Variants in GRM5 observed in about 807,000 individuals in gnomAD.
GRM5 encodes metabotropic glutamate receptor 5.
Under a neutral mutation model 83.1 loss-of-function variants are expected in GRM5, and 19 were observed. The ratio of observed to expected loss-of-function variants is 0.23; its 90% CI spans 0.16 to 0.34. The LOEUF (loss-of-function observed/expected upper bound fraction) is 0.34. Among genes scored for constraint, GRM5 ranks in the 10% least tolerant of loss-of-function variants. The pLI, the probability that GRM5 is intolerant of heterozygous loss-of-function variation, is 1.00. For missense variants in GRM5, 1,160 were observed against 1,588.3 expected, an observed-to-expected ratio of 0.73 and a Z score of 4.58; for synonymous variants, 675 against 633.6, an observed-to-expected ratio of 1.07 and a Z score of -0.98.
intron 3 of GRM5, among the ~76,000 whole-genome samples, chr11:88,745,430 T>C (rs984868053): frequency 1.3e-5 from 2 of 151,968 alleles, no homozygotes; most frequent in African/African-American, 4.8e-5. Flanking sequence ...GGTCTTAAAC[T>C]CCTGAGATCA....
intron 3 of GRM5, among the ~76,000 whole-genome samples, chr11:88,706,922 ATATTT>A (rs1318245781): frequency 1.3e-5 from 2 of 152,084 alleles, no homozygotes; most frequent in African/African-American, 4.8e-5. Flanking sequence ...TGACGATCTT[ATATTT>A]AAGTTTATTG....
At chr11:88,944,113 A>T (rs960388107) in intron 2 of GRM5, among the ~76,000 whole-genome samples, 13 of 152,124 alleles carry the variant, frequency 8.5e-5, no homozygotes, top group African/African-American at 3.1e-4. Flanking sequence ...TGTTGCTATG[A>T]CCTCATGAAA....
At chr11:88,742,236 G>T (rs1942044807) in intron 3 of GRM5, among the ~76,000 whole-genome samples, 1 of 151,706 alleles carries the variant, frequency 6.6e-6, no homozygotes, top group African/African-American at 2.4e-5. Context: ...ATTTACATTT[G>T]CATAATACTT....
At chr11:88,826,763 G>GA (rs530724939) in intron 3 of GRM5, among the ~76,000 whole-genome samples, 43 of 151,898 alleles carry the variant, frequency 2.8e-4, no homozygotes, top group African/African-American at 5.6e-4. Flanking sequence ...ATTCTAACCT[G>GA]AAAAAAAATC....
intron 3 of GRM5, among the ~76,000 whole-genome samples, chr11:88,696,640 G>T (rs1432151295): frequency 6.6e-6 from 1 of 152,172 alleles, no homozygotes; most frequent in Non-Finnish European, 1.5e-5. Flanking sequence ...TGATAATGAA[G>T]CCCTGCTGGG....
intron 3 of GRM5, among the ~76,000 whole-genome samples, chr11:88,708,693 T>G (rs1443885060): frequency 1.3e-5 from 2 of 152,120 alleles, no homozygotes; most frequent in East Asian, 3.9e-4. Context: ...TTTTCTAAAT[T>G]TATTTAAAAT....
intron 8 of GRM5, among the ~76,000 whole-genome samples, chr11:88,526,151 G>A (rs1941870468): frequency 6.6e-6 from 1 of 152,120 alleles, no homozygotes; most frequent in Non-Finnish European, 1.5e-5. Context: ...TCAGTATTGG[G>A]ATGCCGCCAT....
At chr11:89,017,934 C>G (rs1449137628) in intron 2 of GRM5, among the ~76,000 whole-genome samples, 6 of 152,106 alleles carry the variant, frequency 3.9e-5, no homozygotes, top group Non-Finnish European at 8.8e-5. Context: ...CTTACCACCT[C>G]TTTCTCCAGT....
chr11:88,869,004 G>T (rs2135559231), intron 2 of GRM5, among the ~76,000 whole-genome samples: 1 of 151,784 alleles, frequency 6.6e-6, no homozygotes. Flanking sequence ...AATGTCTGCT[G>T]TTTTCCTTCC....
At chr11:88,623,814 G>T (rs929526207) in intron 4 of GRM5, among the ~76,000 whole-genome samples, 1 of 152,078 alleles carries the variant, frequency 6.6e-6, no homozygotes, top group Non-Finnish European at 1.5e-5. Flanking sequence ...TTTGGACCTG[G>T]GCCAACTTTC....
At position 88,720,796 on chromosome 11, in the gene GRM5, C is replaced by CTGTG. The variant is rs748475378; in HGVS notation, c.912-67397_912-67394dup. 4.4e-3 allele frequency among the ~76,000 whole-genome samples: 629 copies of CTGTG among 141,712 alleles called. 6 individuals carry two copies. Among genetic ancestry groups the CTGTG allele is most frequent in the African/African-American group, 0.012 (442 of 37,950 alleles). The allele number at this position is 141,712 out of a possible 152,430, so 93.0% of individuals were successfully genotyped here. On this transcript the variant is annotated intron_variant, in intron 3 of 9. Coordinates refer to ENST00000305447, the MANE Select transcript of GRM5 (RefSeq NM_001143831.3). ...ACAGGTTTGCAGGAAAATCATTACTCTGTGTGTGTGTGTGTGTGTGTGTGC... is the reference window on the plus strand; with the variant it reads ...ACAGGTTTGCAGGAAAATCATTACTCTGTGTGTGTGTGTGTGTGTGTGTGTGTGC...
chr11:88,761,165 A>T (rs1005631840), intron 3 of GRM5, among the ~76,000 whole-genome samples: 1 of 151,988 alleles, frequency 6.6e-6, no homozygotes, highest in African/African-American at 2.4e-5. Context: ...CTCTCTCACC[A>T]CTCCTATTCA....
intron 3 of GRM5, among the ~76,000 whole-genome samples, chr11:88,721,412 A>C (rs1941536520): frequency 1.3e-5 from 2 of 152,114 alleles, no homozygotes; most frequent in Non-Finnish European, 2.9e-5. Context: ...TAACTGAAGA[A>C]TATAGCACTG....
intron 1 of GRM5, among the ~76,000 whole-genome samples, chr11:89,059,538 C>T (rs115387972): frequency 0.03 from 4,570 of 151,340 alleles, 222 homozygotes; most frequent in African/African-American, 0.1. Context: ...ATTTAAATAC[C>T]GGCTTTGTCA....
At chr11:88,968,137 TA>T (rs1293917263) in intron 2 of GRM5, among the ~76,000 whole-genome samples, 1 of 152,154 alleles carries the variant, frequency 6.6e-6, no homozygotes, top group Non-Finnish European at 1.5e-5. Flanking sequence ...ATACATGTCA[TA>T]TTAAAATCAT....
At chr11:88,852,608 T>TA (rs1944405999) in intron 2 of GRM5, among the ~76,000 whole-genome samples, 1 of 151,990 alleles carries the variant, frequency 6.6e-6, no homozygotes, top group Admixed American at 6.6e-5. Context: ...TCTTTAAAAT[T>TA]AAAAAAGGCA....
At chr11:88,980,678 T>C (rs7938184) in intron 2 of GRM5, among the ~76,000 whole-genome samples, 12,240 of 151,576 alleles carry the variant, frequency 0.081, 1,520 homozygotes, top group African/African-American at 0.27. Flanking sequence ...AAAAAGTTAG[T>C]CGGGCGTGGT....
chr11:88,658,554 G>A (rs1381213229), intron 3 of GRM5, among the ~76,000 whole-genome samples: 1 of 152,136 alleles, frequency 6.6e-6, no homozygotes, highest in Non-Finnish European at 1.5e-5. Flanking sequence ...GTCTAGTGGA[G>A]GGATGAGAAA....
chr11:88,814,336 A>G (rs1168369101), intron 3 of GRM5, among the ~76,000 whole-genome samples: 1 of 152,212 alleles, frequency 6.6e-6, no homozygotes, highest in Non-Finnish European at 1.5e-5. Flanking sequence ...GACTCTGACA[A>G]TCCACAGAGG....
Sources: allele counts gnomAD v4.1 joint callset (sites outside exome capture counted in the v4.1 genomes callset), GRCh38; gene constraint gnomAD v4.1.1; transcripts MANE v1.5; gene names NCBI Gene and HGNC (gene_info 2026-07-23, HGNC 2026-07-21).